The following NXPH1 variants were observed in gnomAD, a reference collection of about 807,000 sequenced individuals.
The protein encoded by NXPH1 is neurexophilin 1.
In NXPH1, 5 loss-of-function variants were observed where a neutral mutation model predicts 23.7. The ratio of observed to expected loss-of-function variants is 0.21; its 90% CI spans 0.11 to 0.44. The LOEUF is 0.44. Among genes scored for constraint, NXPH1 ranks in the 20% least tolerant of loss-of-function variants. NXPH1 has a pLI of 0.99. For synonymous variants in NXPH1, 144 were observed against 122.2 expected (o/e 1.18, Z -1.18); for missense variants, 324 against 321.6 (o/e 1.01, Z -0.06).
At chr7:8,710,640 GTTTTTTGTTTTTTTT>G (rs1175897098) in intron 2 of NXPH1, among the ~76,000 whole-genome samples, 5 of 27,672 alleles carry the variant, frequency 1.8e-4, no homozygotes, top group Non-Finnish European at 2.4e-4. Context: ...CAACTGTTAC[GTTTTTTGTTTTTTTT>G]TTTTTTTTTT....
At chr7:8,682,750 A>G (rs1194219182) in intron 2 of NXPH1, among the ~76,000 whole-genome samples, 10 of 152,250 alleles carry the variant, frequency 6.6e-5, no homozygotes, top group Non-Finnish European at 1.2e-4. Context: ...ATAACATTTT[A>G]TAAAGAATGA....
At position 8,488,676 on chromosome 7, in the gene NXPH1, T is replaced by G. The variant is rs185218484; in HGVS notation, c.54+52909T>G. On this transcript the variant is annotated intron_variant, in intron 2 of 2. Transcript: ENST00000405863. ...ATGTTCGCCTTCATATAGGAATTTC[T>G]GACCTAGATCAATCACCTATAGCTG... 7.8e-4 allele frequency among the ~76,000 whole-genome samples: 119 copies of G among 152,280 alleles called. 2 individuals are homozygous for G. The East Asian group carries it at 0.016, about 20-fold the overall frequency.
chr7:8,482,211 A>G (rs1817085643), intron 2 of NXPH1, among the ~76,000 whole-genome samples: 1 of 152,152 alleles, frequency 6.6e-6, no homozygotes, highest in Non-Finnish European at 1.5e-5. Context: ...TGTTTCCGTG[A>G]GCTTTGCTGG....
chr7:8,485,604 G>T (rs1159310825), intron 2 of NXPH1, among the ~76,000 whole-genome samples: 1 of 152,082 alleles, frequency 6.6e-6, no homozygotes, highest in Non-Finnish European at 1.5e-5. Context: ...GATAGGTAGG[G>T]GTGGAGGTGG....
intron 2 of NXPH1, among the ~76,000 whole-genome samples, chr7:8,718,842 T>G (rs1779919321): frequency 1.3e-5 from 2 of 152,192 alleles, no homozygotes; most frequent in South Asian, 4.1e-4. Context: ...CCTTTTTGTA[T>G]CACATCCACC....
At chr7:8,438,792 T>C (rs1330513932) in intron 2 of NXPH1, among the ~76,000 whole-genome samples, 1 of 152,232 alleles carries the variant, frequency 6.6e-6, no homozygotes, top group Non-Finnish European at 1.5e-5. Flanking sequence ...AGTATGTTTC[T>C]GGGCCCGGGA....
chr7:8,634,690 T>G (rs78516722), intron 2 of NXPH1, among the ~76,000 whole-genome samples: 1 of 109,674 alleles, frequency 9.1e-6, no homozygotes, highest in Non-Finnish European at 2.0e-5. Flanking sequence ...TTTTTTTTTT[T>G]TTTTTCCAAA....
chr7:8,740,038 C>T (rs1389022823), intron 2 of NXPH1, among the ~76,000 whole-genome samples: 2 of 152,182 alleles, frequency 1.3e-5, no homozygotes, highest in African/African-American at 4.8e-5. Context: ...CAGAATTATG[C>T]TAATTCCCAC....
chr7:8,513,682 G>T (rs531023082), intron 2 of NXPH1, among the ~76,000 whole-genome samples: 8 of 152,204 alleles, frequency 5.3e-5, no homozygotes, highest in Admixed American at 2.0e-4. Context: ...GAGATAGGAT[G>T]AAAAAGGTAA....
At chr7:8,474,098 C>G (rs1232663905) in intron 2 of NXPH1, among the ~76,000 whole-genome samples, 5 of 152,108 alleles carry the variant, frequency 3.3e-5, no homozygotes, top group African/African-American at 9.7e-5. Flanking sequence ...AAAATATAAC[C>G]TCGTGAATTT....
chr7:8,721,330 T>C (rs1779966612), intron 2 of NXPH1, among the ~76,000 whole-genome samples: 1 of 152,072 alleles, frequency 6.6e-6, no homozygotes, highest in Non-Finnish European at 1.5e-5. Context: ...TCTCGGTAAA[T>C]GGCATATGGA....
intron 2 of NXPH1, among the ~76,000 whole-genome samples, chr7:8,505,129 A>G: frequency 6.6e-6 from 1 of 151,994 alleles, no homozygotes; most frequent in East Asian, 1.9e-4. Context: ...GTCTGATTTT[A>G]CAGTGCACTG....
intron 2 of NXPH1, among the ~76,000 whole-genome samples, chr7:8,515,047 A>C (rs1432902644): frequency 6.6e-6 from 1 of 151,878 alleles, no homozygotes; most frequent in Non-Finnish European, 1.5e-5. Context: ...GCCTGTGTGT[A>C]TGTGTGTGTG....
chr7:8,510,104 G>A (rs189343744), intron 2 of NXPH1, among the ~76,000 whole-genome samples: 7 of 152,228 alleles, frequency 4.6e-5, no homozygotes, highest in African/African-American at 1.7e-4. Context: ...TCTCAAGATG[G>A]CTGGGAAAAT....
chr7:8,655,105 C>G (rs1820552424), intron 2 of NXPH1, among the ~76,000 whole-genome samples: 1 of 152,060 alleles, frequency 6.6e-6, no homozygotes, highest in South Asian at 2.1e-4. Context: ...ATACAGGTGG[C>G]TGGGCGAAGT....
chr7:8,625,068 G>A (rs1181381178), intron 2 of NXPH1, among the ~76,000 whole-genome samples: 1 of 152,060 alleles, frequency 6.6e-6, no homozygotes, highest in Admixed American at 6.6e-5. Flanking sequence ...ATATTGTAGT[G>A]TCATTTTCAG....
intron 2 of NXPH1, among the ~76,000 whole-genome samples, chr7:8,453,964 G>C (rs1816548898): frequency 6.6e-6 from 1 of 152,042 alleles, no homozygotes; most frequent in African/African-American, 2.4e-5. Context: ...GGGTTAAATG[G>C]TCTTTCTCCT....
chr7:8,604,339 A>G (rs1819429991), intron 2 of NXPH1, among the ~76,000 whole-genome samples: 1 of 152,186 alleles, frequency 6.6e-6, no homozygotes, highest in South Asian at 2.1e-4. Flanking sequence ...GCACCTACCT[A>G]CAATGTACCC....
intron 2 of NXPH1, among the ~76,000 whole-genome samples, chr7:8,721,531 T>G (rs1189400158): frequency 6.6e-6 from 1 of 152,222 alleles, no homozygotes; most frequent in Non-Finnish European, 1.5e-5. Context: ...ATCCCAGCAC[T>G]TTGGGAGGCC....
Sources: gnomAD v4.1 joint callset for allele counts (sites outside exome capture counted in the v4.1 genomes callset) on GRCh38, gnomAD v4.1.1 for gene constraint, MANE v1.5 for transcripts, NCBI Gene and HGNC (gene_info 2026-07-23, HGNC 2026-07-21) for gene names.